Variants in APC2 observed in about 807,000 individuals in gnomAD.
The protein encoded by APC2 is adenomatous polyposis coli protein 2.
In APC2, 41 loss-of-function variants were observed where a neutral mutation model predicts 72.5. That is an observed-to-expected ratio of 0.57 (90% CI 0.44 to 0.73). APC2 has a LOEUF of 0.73. Ranked by LOEUF, APC2 falls within the 30% of genes least tolerant of loss-of-function variation. The pLI, the probability that APC2 is intolerant of heterozygous loss-of-function variation, is 0.00. For missense variants in APC2, 3,729 were observed against 3,403.4 expected (o/e 1.10, Z -2.38); for synonymous variants, 1,898 against 1,612.0 (o/e 1.18, Z -4.25).
Position 1,470,060 on chromosome 19 carries a change from G to T in APC2, c.6759G>T (p.Val2253=). The part of the protein sequence containing the change: ...PFVHEGLGVA[V]GGFPASRHGS... ...TGCACGAGGGCCTGGGGGTCGCCGT[G>T]GGGGGCTTCCCCGCCAGCCGGCACG... The change falls in exon 15 of 15, where the codon GTG becomes GTT. Residue 2253 remains valine (V), a synonymous_variant. Transcript: ENST00000590469. 6.3e-7 allele frequency: 1 copy of T among 1,588,442 alleles called. No individual in the cohort carries two copies. The highest frequency in any genetic ancestry group is 2.3e-5 in the East Asian group (1 of 43,428).
In APC2 at chr19:1,469,315, G is replaced by T; in HGVS notation, c.6014G>T (p.Arg2005Leu). Residue 2005 changes from arginine to leucine, a missense_variant, in exon 15 of 15, where the codon CGG (arginine) becomes CTG (leucine). Coordinates refer to ENST00000590469, the MANE Select transcript of APC2 (RefSeq NM_005883.3). ...TTCATCAAGGAGTCGCCGGGCTTGC[G>T]GCGCCGCCGCTCCGAGCTGTCCTCG... ...LTFIKESPGL[R>L]RRRSELSSAE... The T allele has an allele frequency of 2.1e-6, 3 of 1,413,570 alleles. No homozygotes were observed. Among genetic ancestry groups the T allele is most frequent in the Non-Finnish European group, 2.8e-6 (3 of 1,080,386 alleles). 87.6% of individuals were successfully genotyped at this position (1,413,570 alleles called of 1,614,324 possible). A position where few individuals can be genotyped will look rare whatever the true frequency, so the allele number is the denominator to read the frequency against.
At chr19:1,461,187 C>T (rs750265789) in intron 13 of APC2, 34 bp downstream of exon 13, 46 of 1,567,052 alleles carry the variant, frequency 2.9e-5, no homozygotes, top group Non-Finnish European at 4.0e-5. Context: ...GATGCTTCTT[C>T]AGTCACTGGA....
intron 4 of APC2, among the ~76,000 whole-genome samples, 166 bp downstream of exon 4, chr19:1,453,777 C>T (rs1161129067): frequency 1.3e-5 from 2 of 152,234 alleles, no homozygotes; most frequent in Non-Finnish European, 2.9e-5. Context: ...CACCTCGGAG[C>T]TTCGTCCCCA....
chr19:1,467,070 G>C lies in APC2; in HGVS notation c.3769G>C (p.Asp1257His). The C allele has an allele frequency of 6.2e-7, 1 of 1,611,510 alleles. No individual in the cohort carries two copies. The highest frequency in any genetic ancestry group is 8.5e-7 in the Non-Finnish European group (1 of 1,179,540). The change falls in exon 15 of 15, where the codon GAC (aspartate) becomes CAC (histidine). Residue 1257 changes from aspartate to histidine, a missense_variant. By Grantham distance (81) the Asp-to-His change is moderately conservative. Transcript: ENST00000590469. Reference sequence around the variant, plus strand: ...GCGCTGCCGGCTGCCATCTGAGCTGGACGCAGGCAGCGTGCGCTTTACCGT... The same window carrying C: ...GCGCTGCCGGCTGCCATCTGAGCTGCACGCAGGCAGCGTGCGCTTTACCGT... Reference protein sequence around the residue: ...RERCRLPSELDAGSVRFTVEK... With the variant: ...RERCRLPSELHAGSVRFTVEK...
intron 9 of APC2, 188 bp from the exon 10 acceptor site, chr19:1,457,777 G>T: frequency 1.6e-6 from 1 of 623,484 alleles, no homozygotes; most frequent in Non-Finnish European, 2.9e-6. Context: ...CCCTTCCCAA[G>T]GCTGAGTGAG....
Position 1,465,426 on chromosome 19 carries a change from G to A in APC2, c.2125G>A (p.Val709Met), listed in dbSNP as rs890951233. ...PAKHQAAATA[V>M]SPGSCVPSLY... ...CAAGCACCAGGCGGCCGCCACCGCCGTGTCCCCAGGCAGCTGCGTGCCCAG... is the reference window on the plus strand; with the variant it reads ...CAAGCACCAGGCGGCCGCCACCGCCATGTCCCCAGGCAGCTGCGTGCCCAG... The change falls in exon 15 of 15, where the codon GTG becomes ATG. Residue 709 changes from valine (V) to methionine (M), a missense_variant. Val to Met is a conservative substitution (Grantham distance 21, BLOSUM62 1). Coordinates refer to ENST00000590469, the MANE Select transcript of APC2 (RefSeq NM_005883.3). 2.6e-6 allele frequency: 4 copies of A among 1,544,372 alleles called. No homozygotes were observed. The highest frequency in any genetic ancestry group is 3.8e-5 in the Admixed American group (2 of 52,408).
Position 1,456,894 on chromosome 19 carries a change from C to T in APC2, c.858C>T (p.Arg286=), listed in dbSNP as rs757888187. ...VFWLLSMLAT[R]DQEDTARTLL... ...GGCTGTTGTCCATGTTGGCGACGCG[C>T]GACCAGGAGGATACAGCGCGCACGC... The change falls in exon 9 of 15, where the codon CGC becomes CGT. Residue 286 remains arginine, a synonymous_variant. Coordinates refer to ENST00000590469, the MANE Select transcript of APC2 (RefSeq NM_005883.3). 1.9e-6 allele frequency: 3 copies of T among 1,590,580 alleles called. No individual in the cohort carries two copies. Among genetic ancestry groups the T allele is most frequent in the Non-Finnish European group, 1.7e-6 (2 of 1,175,298 alleles).
chr19:1,461,727 C>T (rs1206783518), intron 13 of APC2: 2 of 534,796 alleles, frequency 3.7e-6, no homozygotes, highest in Non-Finnish European at 6.6e-6. Flanking sequence ...TGGCGGGTGT[C>T]TGTAGTCCCA....
chr19:1,454,725 G>A lies in APC2; in HGVS notation c.414-424G>A, dbSNP rs551751405. Among the ~76,000 whole-genome samples, 524 of 152,066 alleles carry A rather than the reference G, an allele frequency of 3.4e-3. 4 individuals are homozygous for A. The highest frequency in any genetic ancestry group is 5.4e-3 in the Non-Finnish European group (364 of 67,960). ...ACTACAGGCACCCGCCACCACGCCCGGCTAATTTTGTTTTCGTATTGTTAG... is the reference window on the plus strand; with the variant it reads ...ACTACAGGCACCCGCCACCACGCCCAGCTAATTTTGTTTTCGTATTGTTAG... On this transcript the variant is annotated intron_variant, in intron 4 of 14. Coordinates refer to ENST00000590469, the MANE Select transcript of APC2 (RefSeq NM_005883.3).
rs899177611 is a variant in APC2 at position 1,466,611 on chromosome 19, G to T, written c.3310G>T (p.Gly1104Cys). 1 of 1,535,760 alleles carries T rather than the reference G, an allele frequency of 6.5e-7. No individual in the cohort carries two copies. Residue 1104 changes from glycine (G) to cysteine (C), a missense_variant, in exon 15 of 15, where the codon GGC becomes TGC. Gly to Cys is a radical substitution (Grantham distance 159, BLOSUM62 -3). Coordinates refer to ENST00000590469, the MANE Select transcript of APC2 (RefSeq NM_005883.3). ...CTCCCTGGAGGGGCTGGAGGAGGCC[G>T]GCCCCAGCGAGGCTGAGCTGGACAG... ...DSSLEGLEEA[G>C]PSEAELDSTW...
Position 1,468,097 on chromosome 19 carries a change from C to T in APC2, c.4796C>T (p.Pro1599Leu), listed in dbSNP as rs772935198. Residue 1599 changes from proline to leucine, a missense_variant, in exon 15 of 15, where the codon CCA becomes CTA. Physicochemically the swap from Pro to Leu is moderately conservative, Grantham distance 98 (BLOSUM62 -3). Transcript: ENST00000590469. ...PEPSEPPAVH[P>L]RGREPAVTKD... ...CCCTCGGAGCCGCCGGCCGTCCATC[C>T]ACGAGGCCGGGAGCCCGCGGTCACC... is the stretch of plus-strand genomic sequence containing the variant. 52 of 1,534,806 alleles carry T rather than the reference C, an allele frequency of 3.4e-5. No homozygotes were observed. The highest frequency in any genetic ancestry group is 4.4e-5 in the Non-Finnish European group (51 of 1,149,454).
chr19:1,458,061 G>C lies in APC2; in HGVS notation c.1303+1G>C. ...TACCGCCGTGCCATGAACGAGCTAG[G>C]TGAGTGTCCCAGGTCCTCTGGGAAG... On this transcript the variant is annotated splice_donor_variant, in intron 10 of 14. Transcript: ENST00000590469. LOFTEE classifies it high-confidence loss of function. The C allele has an allele frequency of 6.4e-7, 1 of 1,559,256 alleles. No individual in the cohort carries two copies. The highest frequency in any genetic ancestry group is 8.7e-7 in the Non-Finnish European group (1 of 1,150,602).
chr19:1,457,449 C>G, intron 9 of APC2: 2 of 699,012 alleles, frequency 2.9e-6, no homozygotes, highest in South Asian at 4.2e-5. Context: ...AGTAAACGCT[C>G]GGGAAGTCGC....
rs2084092068 is a variant in APC2 at position 1,469,456 on chromosome 19, A to AGGGCCC, written c.6158_6163dup (p.Gly2053_Pro2054dup). 1.8e-6 allele frequency: 2 copies of AGGGCCC among 1,142,820 alleles called. No homozygotes were observed. The highest frequency in any genetic ancestry group is 2.1e-6 in the Non-Finnish European group (2 of 934,414). 70.8% of individuals were successfully genotyped at this position (1,142,820 alleles called of 1,614,324 possible). ...GAAGAGCTCCGAGCGGCACCCCGGC[A>AGGGCCC]GGGCCCGGCCCCGGCCCGGCAGCGG... On this transcript the variant is annotated inframe_insertion, in exon 15 of 15. Coordinates refer to ENST00000590469, the MANE Select transcript of APC2 (RefSeq NM_005883.3).
Position 1,465,257 on chromosome 19 carries a change from G to C in APC2, c.1956G>C (p.Leu652=). 1.2e-6 allele frequency: 2 copies of C among 1,608,728 alleles called. No homozygotes were observed. The highest frequency in any genetic ancestry group is 1.7e-6 in the Non-Finnish European group (2 of 1,179,504). The change falls in exon 15 of 15, where the codon CTG becomes CTC. Residue 652 remains leucine, a synonymous_variant. Coordinates refer to ENST00000590469, the MANE Select transcript of APC2 (RefSeq NM_005883.3). ...ACGCGTGCGGCACGCTCTGGAACCT[G>C]TCGGCCCGCAGCGCCCGTGACCAGG... is the stretch of plus-strand genomic sequence containing the variant. ...VSNACGTLWN[L]SARSARDQEL...
intron 14 of APC2, among the ~76,000 whole-genome samples, chr19:1,463,453 C>G (rs1003016208): frequency 6.7e-6 from 1 of 149,176 alleles, no homozygotes; most frequent in African/African-American, 2.5e-5. Flanking sequence ...TGTGGTGGCT[C>G]ATGCCTGTAA....
intron 10 of APC2, 199 bp downstream of exon 10, chr19:1,458,259 C>T (rs942084716): frequency 1.8e-5 from 11 of 600,926 alleles, no homozygotes; most frequent in Admixed American, 1.1e-4. Context: ...CCATGAGCTG[C>T]GTGTGGCCTC....
rs745606141 is a variant in APC2 at position 1,468,470 on chromosome 19, G to C, written c.5169G>C (p.Gly1723=). 6.2e-7 allele frequency: 1 copy of C among 1,601,326 alleles called. No individual in the cohort carries two copies. The highest frequency in any genetic ancestry group is 1.1e-5 in the South Asian group (1 of 89,630). ...ESDSILSFVS[G]LSVGSTLQPP... ...ACTCCATCCTGTCCTTCGTATCCGGGCTGTCAGTGGGATCCACCCTACAGC... is the reference window on the plus strand; with the variant it reads ...ACTCCATCCTGTCCTTCGTATCCGGCCTGTCAGTGGGATCCACCCTACAGC... Residue 1723 remains glycine (G), a synonymous_variant, in exon 15 of 15, where the codon GGG becomes GGC. Coordinates refer to ENST00000590469, the MANE Select transcript of APC2 (RefSeq NM_005883.3).
At position 1,456,509 on chromosome 19, in the gene APC2, C is replaced by T. The variant is rs1208191925; in HGVS notation, c.816+105C>T. On this transcript the variant is annotated intron_variant, in intron 8 of 14. Coordinates refer to ENST00000590469, the MANE Select transcript of APC2 (RefSeq NM_005883.3). ...GGTGCCCTCCCATGCCTCCATCCAG[C>T]ACCCCCTCGGGTGTAGGAAGGCCCC... The T allele has an allele frequency of 4.1e-6, 5 of 1,222,828 alleles. No individual in the cohort carries two copies. In the African/African-American group the frequency reaches 7.6e-5, roughly 18 times the overall value. The allele number at this position is 1,222,828 out of a possible 1,614,324, so 75.7% of individuals were successfully genotyped here.
Sources: allele counts gnomAD v4.1 joint callset (sites outside exome capture counted in the v4.1 genomes callset), GRCh38; gene constraint gnomAD v4.1.1; transcripts MANE v1.5; gene names NCBI Gene and HGNC (gene_info 2026-07-23, HGNC 2026-07-21).